The following KLF8 variants were observed in gnomAD, a reference collection of about 807,000 sequenced individuals.
The protein encoded by KLF8 is Krueppel-like factor 8.
A neutral mutation model predicts 18.2 loss-of-function variants in KLF8; 10 were observed. The observed-to-expected ratio is 0.55, with a 90% confidence interval of 0.34 to 0.93. The LOEUF is 0.93. KLF8 is among the 40% of genes least tolerant of loss of function. The pLI, the probability that KLF8 is intolerant of heterozygous loss-of-function variation, is 0.02. For synonymous variants in KLF8, 109 were observed against 97.3 expected (o/e 1.12, Z -0.71); for missense variants, 264 against 277.9 (o/e 0.95, Z 0.36).
the KLF8 span, among the ~76,000 whole-genome samples, chrX:56,187,425 G>C: frequency 5.4e-5 from 6 of 111,743 alleles, no homozygotes; most frequent in Admixed American, 9.5e-5. Context: ...TGAATTCACA[G>C]CGGAATTCTA....
the KLF8 span, among the ~76,000 whole-genome samples, chrX:56,200,345 T>C: frequency 9.1e-6 from 1 of 109,941 alleles, no homozygotes; most frequent in Non-Finnish European, 1.9e-5. Context: ...CTACAAAAAA[T>C]TAAATATAAA....
the KLF8 span, among the ~76,000 whole-genome samples, chrX:56,174,742 G>C: frequency 9.0e-6 from 1 of 111,306 alleles, no homozygotes; most frequent in Non-Finnish European, 1.9e-5. Flanking sequence ...TTTTTTGGTT[G>C]CTAGGCTATT....
chrX:55,987,127 G>A, the KLF8 span, among the ~76,000 whole-genome samples: 1 of 108,861 alleles, frequency 9.2e-6, no homozygotes, highest in Admixed American at 9.8e-5. Context: ...ATTCCTTTGG[G>A]TACATACCTA....
chrX:56,158,746 G>A, the KLF8 span, among the ~76,000 whole-genome samples: 1 of 112,161 alleles, frequency 8.9e-6, no homozygotes, highest in Non-Finnish European at 1.9e-5. Context: ...TGTATCCTGA[G>A]ACTTTGCTGA....
chrX:56,152,011 GT>G, the KLF8 span, among the ~76,000 whole-genome samples: 1 of 111,438 alleles, frequency 9.0e-6, no homozygotes, highest in Non-Finnish European at 1.9e-5. Context: ...TTAATTTGGA[GT>G]TTTATTATAT....
the KLF8 span, among the ~76,000 whole-genome samples, chrX:56,178,211 G>A: frequency 2.7e-5 from 3 of 112,335 alleles, no homozygotes; most frequent in African/African-American, 9.7e-5. Context: ...GAGCTGTAGC[G>A]ATTTGCATTT....
chrX:56,216,995 T>A, the KLF8 span, among the ~76,000 whole-genome samples: 1 of 111,814 alleles, frequency 8.9e-6, no homozygotes, highest in Admixed American at 9.5e-5. Context: ...ATATAGTATG[T>A]GCCAAACAGA....
chrX:55,988,660 A>G, the KLF8 span, among the ~76,000 whole-genome samples: 9,410 of 110,737 alleles, frequency 0.085, 993 homozygotes, highest in African/African-American at 0.3. Context: ...TGTTCTTTTG[A>G]CTTAGGAATG....
intron 3 of KLF8, chrX:56,266,020 T>C: frequency 1.2e-6 from 1 of 838,418 alleles, no homozygotes; most frequent in Non-Finnish European, 1.5e-6. Context: ...TATTAAATAA[T>C]TTAAGCATTT....
At chrX:56,005,422 A>G in the KLF8 span, among the ~76,000 whole-genome samples, 1 of 111,998 alleles carries the variant, frequency 8.9e-6, no homozygotes, top group African/African-American at 3.3e-5. Context: ...AGGCTGCTGC[A>G]GTTAAGTGCA....
chrX:56,219,116 C>T, the KLF8 span, among the ~76,000 whole-genome samples: 1 of 111,659 alleles, frequency 9.0e-6, no homozygotes. Context: ...TGTAGAAGTA[C>T]GTGTAGTCCA....
At chrX:56,032,801 A>G in the KLF8 span, among the ~76,000 whole-genome samples, 123 of 111,854 alleles carry the variant, frequency 1.1e-3, no homozygotes, top group African/African-American at 3.7e-3. Context: ...TTGCAGACAG[A>G]TTTTCCTGTG....
the KLF8 span, among the ~76,000 whole-genome samples, chrX:56,127,899 T>A: frequency 9.0e-6 from 1 of 111,341 alleles, no homozygotes; most frequent in Non-Finnish European, 1.9e-5. Flanking sequence ...AACAAAGAAA[T>A]AATATAACTA....
At chrX:56,121,022 T>TAAA in the KLF8 span, among the ~76,000 whole-genome samples, 1 of 109,339 alleles carries the variant, frequency 9.1e-6, no homozygotes, top group South Asian at 3.9e-4. Context: ...CCGTCTCTAC[T>TAAA]GAAAATACAA....
the KLF8 span, among the ~76,000 whole-genome samples, chrX:56,023,733 A>G: frequency 9.0e-6 from 1 of 111,325 alleles, no homozygotes; most frequent in Non-Finnish European, 1.9e-5. Flanking sequence ...GAGAATTATT[A>G]CCAGCATTCT....
chrX:56,223,103 G>T, the KLF8 span, among the ~76,000 whole-genome samples: 3 of 113,210 alleles, frequency 2.6e-5, no homozygotes, highest in Non-Finnish European at 3.7e-5. Context: ...CTGCCAGCAG[G>T]CTGTCACCTC....
chrX:55,987,106 G>A, the KLF8 span, among the ~76,000 whole-genome samples: 1 of 110,724 alleles, frequency 9.0e-6, no homozygotes, highest in African/African-American at 3.3e-5. Context: ...TTTTATGGTA[G>A]AATGATTTCT....
At chrX:56,090,967 G>C in the KLF8 span, among the ~76,000 whole-genome samples, 2 of 111,757 alleles carry the variant, frequency 1.8e-5, no homozygotes, top group Non-Finnish European at 3.8e-5. Flanking sequence ...TATTTTTAAC[G>C]CTCAGTAGTA....
At chrX:56,161,944 T>G in the KLF8 span, among the ~76,000 whole-genome samples, 1 of 111,327 alleles carries the variant, frequency 9.0e-6, no homozygotes, top group African/African-American at 3.3e-5. Context: ...ACAGATGGGG[T>G]TTTGGTGTGG....
Sources: gnomAD v4.1 joint callset for allele counts (sites outside exome capture counted in the v4.1 genomes callset) on GRCh38, gnomAD v4.1.1 for gene constraint, MANE v1.5 for transcripts, NCBI Gene and HGNC (gene_info 2026-07-23, HGNC 2026-07-21) for gene names.